The following UBE2E2 variants were observed in gnomAD, a reference collection of about 807,000 sequenced individuals.
The protein encoded by UBE2E2 is ubiquitin conjugating enzyme E2 E2.
In UBE2E2, 6 loss-of-function variants were observed where a neutral mutation model predicts 24.7. The observed-to-expected ratio is 0.24, with a 90% confidence interval of 0.13 to 0.48. UBE2E2 has a LOEUF of 0.48. UBE2E2 is among the 20% of genes least tolerant of loss of function. UBE2E2 has a pLI of 0.99. For missense variants in UBE2E2, 169 were observed against 245.0 expected (o/e 0.69, Z 2.07); for synonymous variants, 104 against 83.6 (o/e 1.24, Z -1.33).
Position 23,407,799 on chromosome 3 carries a change from C to G in UBE2E2, c.228-91809C>G, listed in dbSNP as rs1199313035. Reference sequence around the variant, plus strand: ...TCTGTTACCTCTGCCTCTGCTTACCCTTCTGGGAAATAGTTACCAATAATA... The same window carrying G: ...TCTGTTACCTCTGCCTCTGCTTACCGTTCTGGGAAATAGTTACCAATAATA... On this transcript the variant is annotated intron_variant, in intron 3 of 5. Transcript: ENST00000396703. The surrounding 1 kb of genome is among the most constrained non-coding windows in gnomAD (Gnocchi z 4.0). 6.6e-6 allele frequency among the ~76,000 whole-genome samples: 1 copy of G among 151,960 alleles called. No homozygotes were observed. Among genetic ancestry groups the G allele is most frequent in the Non-Finnish European group, 1.5e-5 (1 of 68,000 alleles).
At chr3:23,334,193 C>T (rs764511383) in intron 3 of UBE2E2, among the ~76,000 whole-genome samples, 4 of 151,924 alleles carry the variant, frequency 2.6e-5, no homozygotes, top group East Asian at 3.9e-4. Context: ...GGCAAAACCT[C>T]GTAGTAATAA....
At chr3:23,418,336 T>C (rs561544318) in intron 3 of UBE2E2, among the ~76,000 whole-genome samples, 94 of 152,298 alleles carry the variant, frequency 6.2e-4, no homozygotes, top group African/African-American at 2.2e-3. Flanking sequence ...ATGTGCTTCC[T>C]GGGTAACGCA....
chr3:23,446,545 A>G (rs1698433132), intron 3 of UBE2E2, among the ~76,000 whole-genome samples: 1 of 152,088 alleles, frequency 6.6e-6, no homozygotes, highest in African/African-American at 2.4e-5. Context: ...TGTGAAAGTT[A>G]CCTGCCTTTC....
intron 3 of UBE2E2, among the ~76,000 whole-genome samples, chr3:23,248,915 G>C (rs892018131): frequency 6.6e-6 from 1 of 152,152 alleles, no homozygotes; most frequent in African/African-American, 2.4e-5. Flanking sequence ...TTGACCGACT[G>C]ATTTAAGAGC....
chr3:23,343,680 G>T (rs1695466067), intron 3 of UBE2E2, among the ~76,000 whole-genome samples: 1 of 152,180 alleles, frequency 6.6e-6, no homozygotes, highest in African/African-American at 2.4e-5. Flanking sequence ...ATCGGTGCCA[G>T]ATTTAAAAAA....
intron 3 of UBE2E2, among the ~76,000 whole-genome samples, chr3:23,324,328 A>G (rs1192624426): frequency 6.6e-6 from 1 of 152,112 alleles, no homozygotes; most frequent in African/African-American, 2.4e-5. Context: ...AATTTGTTTA[A>G]AAATAAAAAT....
chr3:23,461,035 G>T (rs1698795348), intron 3 of UBE2E2, among the ~76,000 whole-genome samples: 1 of 152,096 alleles, frequency 6.6e-6, no homozygotes, highest in Non-Finnish European at 1.5e-5. Flanking sequence ...TGGTAGAATG[G>T]GAGAACCCCA....
chr3:23,343,426 A>C (rs1429266970), intron 3 of UBE2E2, among the ~76,000 whole-genome samples: 1 of 151,978 alleles, frequency 6.6e-6, no homozygotes. Flanking sequence ...AAATACAAAA[A>C]TTAGCTGGGT....
chr3:23,517,086 A>G (rs1347123028), intron 4 of UBE2E2, among the ~76,000 whole-genome samples: 6 of 152,158 alleles, frequency 3.9e-5, no homozygotes. Flanking sequence ...ACAAAAGTCC[A>G]TGAATCTTCT....
At chr3:23,234,900 A>ATAAAAT (rs1215919927) in intron 3 of UBE2E2, among the ~76,000 whole-genome samples, 3 of 152,352 alleles carry the variant, frequency 2.0e-5, no homozygotes, top group Admixed American at 2.0e-4. Flanking sequence ...GAAATAGCAG[A>ATAAAAT]TAAAATTATA....
chr3:23,358,283 C>G (rs556038573), intron 3 of UBE2E2, among the ~76,000 whole-genome samples: 3 of 149,576 alleles, frequency 2.0e-5, no homozygotes, highest in Non-Finnish European at 4.5e-5. Flanking sequence ...GATTTCATTT[C>G]AACAGAGCAA....
intron 3 of UBE2E2, among the ~76,000 whole-genome samples, chr3:23,317,079 C>T (rs1299452605): frequency 6.6e-6 from 1 of 152,154 alleles, no homozygotes; most frequent in African/African-American, 2.4e-5. Flanking sequence ...GTTGGGTAAG[C>T]ATGGTGCATA....
intron 3 of UBE2E2, among the ~76,000 whole-genome samples, chr3:23,421,125 A>G (rs1433510503): frequency 6.6e-6 from 1 of 152,214 alleles, no homozygotes; most frequent in Non-Finnish European, 1.5e-5. Flanking sequence ...TCTTGTAAGG[A>G]TTGTTGTGCA....
At position 23,589,899 on chromosome 3, in the gene UBE2E2, C is replaced by T; in HGVS notation, c.*68C>T. 6.8e-7 allele frequency: 1 copy of T among 1,477,470 alleles called. No individual in the cohort carries two copies. Among genetic ancestry groups the T allele is most frequent in the African/African-American group, 1.4e-5 (1 of 72,330 alleles). The allele number at this position is 1,477,470 out of a possible 1,614,324, so 91.5% of individuals were successfully genotyped here. On this transcript the variant is annotated 3_prime_UTR_variant, in exon 6 of 6. Coordinates refer to ENST00000396703, the MANE Select transcript of UBE2E2 (RefSeq NM_152653.4). The surrounding 1 kb of genome is among the most constrained non-coding windows in gnomAD (Gnocchi z 4.1). The stretch of plus-strand genomic sequence containing the variant: ...TCACCAAGTGCATCGGTAGCCCTGC[C>T]CACCCCTCCAGACCTCGGTTCTTAT...
At chr3:23,269,777 T>C (rs1284709157) in intron 3 of UBE2E2, among the ~76,000 whole-genome samples, 1 of 152,028 alleles carries the variant, frequency 6.6e-6, no homozygotes, top group East Asian at 1.9e-4. Context: ...GCCATGACAA[T>C]GGAAGCAGTA....
At chr3:23,217,101 A>G (rs1696496004) in intron 2 of UBE2E2, among the ~76,000 whole-genome samples, 161 bp from the exon 3 acceptor site, 1 of 152,160 alleles carries the variant, frequency 6.6e-6, no homozygotes, top group African/African-American at 2.4e-5. Context: ...CCTGGCAGAA[A>G]TTGCAACTTT....
At chr3:23,406,894 A>G (rs1244566244) in intron 3 of UBE2E2, among the ~76,000 whole-genome samples, 1 of 152,194 alleles carries the variant, frequency 6.6e-6, no homozygotes, top group Non-Finnish European at 1.5e-5. Flanking sequence ...AGAGTATTCA[A>G]CTTAATTCAC....
In UBE2E2 at chr3:23,214,260, G is replaced by GT. The variant is rs556526139; in HGVS notation, c.177-2994dup. On this transcript the variant is annotated intron_variant, in intron 2 of 5. Coordinates refer to ENST00000396703, the MANE Select transcript of UBE2E2 (RefSeq NM_152653.4). ...TATGACAGAAAATTATGATTTATCA[G>GT]TTTTTTTTCCCTTAGAGACAGGGTC... Among the ~76,000 whole-genome samples the GT allele has an allele frequency of 5.1e-3, 769 of 151,844 alleles. 13 individuals are homozygous for GT. The highest frequency in any genetic ancestry group is 0.017 in the African/African-American group (693 of 41,384).
At chr3:23,291,486 TACTC>T (rs1222420615) in intron 3 of UBE2E2, among the ~76,000 whole-genome samples, 1 of 152,174 alleles carries the variant, frequency 6.6e-6, no homozygotes, top group Non-Finnish European at 1.5e-5. Context: ...CTGCATTTGT[TACTC>T]AGTAGGTTTA....
Sources: gnomAD v4.1 joint callset for allele counts (sites outside exome capture counted in the v4.1 genomes callset) on GRCh38, gnomAD v4.1.1 for gene constraint, Gnocchi (gnomAD v3.1) non-coding constraint, MANE v1.5 for transcripts, NCBI Gene and HGNC (gene_info 2026-07-23, HGNC 2026-07-21) for gene names.